Variants in FZD9 observed in about 807,000 individuals in gnomAD.
The protein encoded by FZD9 is frizzled-9.
Under a neutral mutation model 29.9 loss-of-function variants are expected in FZD9, and 29 were observed. The observed-to-expected ratio is 0.97, with a 90% CI of 0.72 to 1.32. The LOEUF is 1.32. FZD9 is among the 40% of genes most tolerant of loss of function. FZD9 has a pLI of 0.00. For synonymous variants in FZD9, 384 were observed against 393.9 expected, an observed-to-expected ratio of 0.97 and a Z score of 0.30; for missense variants, 822 against 857.8, an observed-to-expected ratio of 0.96 and a Z score of 0.52.
In FZD9 at chr7:73,435,923, G is replaced by T; in HGVS notation, c.*140G>T. ...GTGAGCACCGGGGACTGAGGATCAGGGCGGGACCCCGTGAGGCTCATTAGG... is the reference window on the plus strand; with the variant it reads ...GTGAGCACCGGGGACTGAGGATCAGTGCGGGACCCCGTGAGGCTCATTAGG... On this transcript the variant is annotated 3_prime_UTR_variant, in exon 1 of 1. Coordinates refer to ENST00000344575, the MANE Select transcript of FZD9 (RefSeq NM_003508.3). 8.4e-7 allele frequency: 1 copy of T among 1,189,176 alleles called. No individual in the cohort carries two copies. The highest frequency in any genetic ancestry group is 2.1e-4 in the Middle Eastern group (1 of 4,710). The allele number at this position is 1,189,176 out of a possible 1,614,324, so 73.7% of individuals were successfully genotyped here.
At position 73,435,267 on chromosome 7, in the gene FZD9, C is replaced by T; in HGVS notation, c.1260C>T (p.Gly420=). The stretch of plus-strand genomic sequence containing the variant: ...TGGGCAGTAGTTTCCTCCTGACCGG[C>T]TTCGTGGCCCTCTTCCACATCCGCA... ...LVLGSSFLLT[G]FVALFHIRKI... is the part of the protein sequence containing the mutation. Residue 420 remains glycine (G), a synonymous_variant, in exon 1 of 1, where the codon GGC becomes GGT. Coordinates refer to ENST00000344575, the MANE Select transcript of FZD9 (RefSeq NM_003508.3). 2.5e-6 allele frequency: 4 copies of T among 1,613,842 alleles called. No homozygotes were observed. Among genetic ancestry groups the T allele is most frequent in the East Asian group, 2.2e-5 (1 of 44,876 alleles).
In FZD9 at chr7:73,435,094, TG is replaced by T; in HGVS notation, c.1091del (p.Gly364AlafsTer11). The T allele has an allele frequency of 6.2e-7, 1 of 1,612,160 alleles. No homozygotes were observed. ...AHGSYFHMAA[W>X]GLPALKTIVI... is the part of the protein sequence containing the mutation. ...CGGCAGCTATTTCCACATGGCTGCC[TG>T]GGGCCTGCCCGCGCTCAAGACCATC... On this transcript the variant is annotated frameshift_variant, in exon 1 of 1. Transcript: ENST00000344575. LOFTEE classifies it high-confidence loss of function.
Position 73,433,900 on chromosome 7 carries a change from C to T in FZD9, c.-108C>T, listed in dbSNP as rs1583871150. 3 of 898,078 alleles carry T rather than the reference C, an allele frequency of 3.3e-6. No individual in the cohort carries two copies. The highest frequency in any genetic ancestry group is 1.8e-4 in the East Asian group (2 of 10,864). The allele number at this position is 898,078 out of a possible 1,614,324, so 55.6% of individuals were successfully genotyped here. A position where few individuals can be genotyped will look rare whatever the true frequency, so the allele number is the denominator to read the frequency against. ...GGCGCCCGGACACACGTGGGCGGCT[C>T]AGCGATGGCCCGCGCCCCGCGACGT... On this transcript the variant is annotated 5_prime_UTR_variant, in exon 1 of 1. Transcript: ENST00000344575.
Position 73,434,630 on chromosome 7 carries a change from G to T in FZD9, c.623G>T (p.Ser208Ile). Residue 208 changes from serine (S) to isoleucine (I), a missense_variant, in exon 1 of 1, where the codon AGC becomes ATC. Coordinates refer to ENST00000344575, the MANE Select transcript of FZD9 (RefSeq NM_003508.3). ...GAGAAGTTCCAGTACGTGGAGAAGAGCCGCTCGTGCGCACCGCGCTGCGGG... is the reference window on the plus strand; with the variant it reads ...GAGAAGTTCCAGTACGTGGAGAAGATCCGCTCGTGCGCACCGCGCTGCGGG... ...NPEKFQYVEK[S>I]RSCAPRCGPG... The T allele has an allele frequency of 6.3e-7, 1 of 1,590,802 alleles. No individual in the cohort carries two copies. Among genetic ancestry groups the T allele is most frequent in the Non-Finnish European group, 8.5e-7 (1 of 1,174,908 alleles).
In FZD9 at chr7:73,435,381, C is replaced by T. The variant is rs782349609; in HGVS notation, c.1374C>T (p.Pro458=). 17 of 1,613,836 alleles carry T rather than the reference C, an allele frequency of 1.1e-5. No homozygotes were observed. The highest frequency in any genetic ancestry group is 3.3e-5 in the Admixed American group (2 of 59,998). The change falls in exon 1 of 1, where the codon CCC becomes CCT. Residue 458 remains proline, a synonymous_variant. Transcript: ENST00000344575. The part of the protein sequence containing the change: ...IGVFSILYTV[P]ATCVIVCYVY... ...TCTTCTCCATCCTCTACACGGTGCCCGCCACCTGCGTCATCGTTTGCTATG... is the reference window on the plus strand; with the variant it reads ...TCTTCTCCATCCTCTACACGGTGCCTGCCACCTGCGTCATCGTTTGCTATG...
chr7:73,435,335 A>T lies in FZD9; in HGVS notation c.1328A>T (p.Lys443Met). ...TGGTNTEKLE[K>M]LMVKIGVFSI... The stretch of plus-strand genomic sequence containing the variant: ...GGCACCAACACAGAGAAGCTGGAGA[A>T]GCTCATGGTCAAGATCGGGGTCTTC... The change falls in exon 1 of 1, where the codon AAG (lysine) becomes ATG (methionine). Residue 443 changes from lysine (K) to methionine (M), a missense_variant. Lys to Met is a moderately conservative substitution (Grantham distance 95). Coordinates refer to ENST00000344575, the MANE Select transcript of FZD9 (RefSeq NM_003508.3). 6.2e-7 allele frequency: 1 copy of T among 1,613,848 alleles called. No homozygotes were observed. The highest frequency in any genetic ancestry group is 8.5e-7 in the Non-Finnish European group (1 of 1,179,900).
chr7:73,434,360 C>A lies in FZD9; in HGVS notation c.353C>A (p.Ala118Glu). ...GCCTGCCGGCCCATGTGCGAGCAGGCGCGCCTGCGCTGCGCGCCCATCATG... is the reference window on the plus strand; with the variant it reads ...GCCTGCCGGCCCATGTGCGAGCAGGAGCGCCTGCGCTGCGCGCCCATCATG... ...IPACRPMCEQ[A>E]RLRCAPIMEQ... Residue 118 changes from alanine (A) to glutamate (E), a missense_variant, in exon 1 of 1, where the codon GCG (alanine) becomes GAG (glutamate). Transcript: ENST00000344575. 1 of 1,578,084 alleles carries A rather than the reference C, an allele frequency of 6.3e-7. No individual in the cohort carries two copies. Among genetic ancestry groups the A allele is most frequent in the Admixed American group, 1.8e-5 (1 of 56,598 alleles).
Position 73,435,490 on chromosome 7 carries a change from AG to A in FZD9, c.1486del (p.Asp496ThrfsTer50). 6.2e-7 allele frequency: 1 copy of A among 1,612,890 alleles called. No homozygotes were observed. The highest frequency in any genetic ancestry group is 8.5e-7 in the Non-Finnish European group (1 of 1,179,604). ...AGCGGCCGCGGGGCCCGGAGGCCGG[AG>A]GGACTGCTCGCTGCCAGGGGGCTCG... ...CAAAAGPGGRRDCSLPGGSVP... is the reference protein window; with the variant it reads ...CAAAAGPGGRXDCSLPGGSVP... On this transcript the variant is annotated frameshift_variant, in exon 1 of 1. Coordinates refer to ENST00000344575, the MANE Select transcript of FZD9 (RefSeq NM_003508.3). LOFTEE classifies it high-confidence loss of function.
In FZD9 at chr7:73,435,732, C is replaced by T. The variant is rs952691379; in HGVS notation, c.1725C>T (p.Val575=). ...THCHYKAPTV[V]LHMTKTDPSL... ...GCCACTATAAGGCTCCCACCGTGGTCTTGCACATGACTAAGACGGACCCCT... is the reference window on the plus strand; with the variant it reads ...GCCACTATAAGGCTCCCACCGTGGTTTTGCACATGACTAAGACGGACCCCT... The change falls in exon 1 of 1, where the codon GTC becomes GTT. Residue 575 remains valine, a synonymous_variant. Coordinates refer to ENST00000344575, the MANE Select transcript of FZD9 (RefSeq NM_003508.3). The T allele has an allele frequency of 1.2e-6, 2 of 1,611,030 alleles. No individual in the cohort carries two copies. The highest frequency in any genetic ancestry group is 2.2e-5 in the East Asian group (1 of 44,788).
At position 73,435,506 on chromosome 7, in the gene FZD9, C is replaced by T. The variant is rs1554563617; in HGVS notation, c.1499C>T (p.Pro500Leu). 3 of 1,613,132 alleles carry T rather than the reference C, an allele frequency of 1.9e-6. No homozygotes were observed. Among genetic ancestry groups the T allele is most frequent in the South Asian group, 1.1e-5 (1 of 91,064 alleles). The change falls in exon 1 of 1, where the codon CCA becomes CTA. Residue 500 changes from proline to leucine, a missense_variant. Pro to Leu is a moderately conservative substitution (Grantham distance 98, BLOSUM62 -3). Coordinates refer to ENST00000344575, the MANE Select transcript of FZD9 (RefSeq NM_003508.3). ...GPGGRRDCSL[P>L]GGSVPTVAVF... ...GGAGGCCGGAGGGACTGCTCGCTGCCAGGGGGCTCGGTGCCCACCGTGGCG... is the reference window on the plus strand; with the variant it reads ...GGAGGCCGGAGGGACTGCTCGCTGCTAGGGGGCTCGGTGCCCACCGTGGCG...
Position 73,433,845 on chromosome 7 carries a change from C to A in FZD9, c.-163C>A. 1 of 413,190 alleles carries A rather than the reference C, an allele frequency of 2.4e-6. No individual in the cohort carries two copies. Among genetic ancestry groups the A allele is most frequent in the Non-Finnish European group, 3.3e-6 (1 of 300,314 alleles). 25.6% of individuals were successfully genotyped at this position (413,190 alleles called of 1,614,324 possible). A position where few individuals can be genotyped will look rare whatever the true frequency, so the allele number is the denominator to read the frequency against. ...GCTAGGCGGGCTCGGCGGCTCCTGT[C>A]CCTCGGGCGGCTGCCCGCTCGCTGC... On this transcript the variant is annotated 5_prime_UTR_variant, in exon 1 of 1. Coordinates refer to ENST00000344575, the MANE Select transcript of FZD9 (RefSeq NM_003508.3).
At position 73,434,662 on chromosome 7, in the gene FZD9, G is replaced by A; in HGVS notation, c.655G>A (p.Val219Ile). ...RSCAPRCGPG[V>I]EVFWSRRDKD... is the part of the protein sequence containing the mutation. ...GTGCGCACCGCGCTGCGGGCCCGGC[G>A]TCGAGGTGTTCTGGTCCCGGCGCGA... Residue 219 changes from valine to isoleucine, a missense_variant, in exon 1 of 1, where the codon GTC becomes ATC. Transcript: ENST00000344575. 1 of 1,600,620 alleles carries A rather than the reference G, an allele frequency of 6.2e-7. No homozygotes were observed. Among genetic ancestry groups the A allele is most frequent in the Non-Finnish European group, 8.5e-7 (1 of 1,179,062 alleles).
In FZD9 at chr7:73,435,622, A is replaced by G. The variant is rs782760881; in HGVS notation, c.1615A>G (p.Ser539Gly). The change falls in exon 1 of 1, where the codon AGC (serine) becomes GGC (glycine). Residue 539 changes from serine (S) to glycine (G), a missense_variant. Coordinates refer to ENST00000344575, the MANE Select transcript of FZD9 (RefSeq NM_003508.3). ...WSSKTFQTWQ[S>G]LCYRKIAAGR... Reference sequence around the variant, plus strand: ...CTCCAAGACTTTCCAGACCTGGCAGAGCCTGTGCTACCGCAAGATAGCAGC... The same window carrying G: ...CTCCAAGACTTTCCAGACCTGGCAGGGCCTGTGCTACCGCAAGATAGCAGC... 7.4e-6 allele frequency: 12 copies of G among 1,613,144 alleles called. No individual in the cohort carries two copies. In the South Asian group the frequency reaches 1.3e-4, roughly 18 times the overall value.
At position 73,435,530 on chromosome 7, in the gene FZD9, C is replaced by G; in HGVS notation, c.1523C>G (p.Ala508Gly). ...CCAGGGGGCTCGGTGCCCACCGTGG[C>G]GGTCTTCATGCTCAAAATTTTCATG... Reference protein sequence around the residue: ...SLPGGSVPTVAVFMLKIFMSL... With the variant: ...SLPGGSVPTVGVFMLKIFMSL... The change falls in exon 1 of 1, where the codon GCG becomes GGG. Residue 508 changes from alanine (A) to glycine (G), a missense_variant. Coordinates refer to ENST00000344575, the MANE Select transcript of FZD9 (RefSeq NM_003508.3). 2 of 1,613,258 alleles carry G rather than the reference C, an allele frequency of 1.2e-6. No individual in the cohort carries two copies. The highest frequency in any genetic ancestry group is 1.1e-5 in the South Asian group (1 of 91,080).
Position 73,434,467 on chromosome 7 carries a change from G to T in FZD9, c.460G>T (p.Glu154Ter). The T allele has an allele frequency of 2.7e-6, 4 of 1,507,510 alleles. No homozygotes were observed. Among genetic ancestry groups the T allele is most frequent in the Non-Finnish European group, 1.8e-6 (2 of 1,136,130 alleles). The allele number at this position is 1,507,510 out of a possible 1,614,324, so 93.4% of individuals were successfully genotyped here. The part of the protein sequence containing the change: ...TRNDPHALCM[E>*]APENATAGPA... Reference sequence around the variant, plus strand: ...CAACGACCCGCACGCGCTGTGCATGGAGGCGCCCGAGAACGCCACGGCCGG... The same window carrying T: ...CAACGACCCGCACGCGCTGTGCATGTAGGCGCCCGAGAACGCCACGGCCGG... The change falls in exon 1 of 1, where the codon GAG (glutamate) becomes TAG (stop). Residue 154 changes from glutamate to a stop codon, truncating the protein, a stop_gained. Transcript: ENST00000344575. LOFTEE classifies it high-confidence loss of function.
chr7:73,433,961 C>G lies in FZD9; in HGVS notation c.-47C>G. ...CACCGGGGCGCGGGACCGCTGAGCCCGAGTGAGCCGGGGCCGCGCTCCCGC... is the reference window on the plus strand; with the variant it reads ...CACCGGGGCGCGGGACCGCTGAGCCGGAGTGAGCCGGGGCCGCGCTCCCGC... On this transcript the variant is annotated 5_prime_UTR_variant, in exon 1 of 1. Coordinates refer to ENST00000344575, the MANE Select transcript of FZD9 (RefSeq NM_003508.3). 1 of 1,158,258 alleles carries G rather than the reference C, an allele frequency of 8.6e-7. No homozygotes were observed. Among genetic ancestry groups the G allele is most frequent in the Non-Finnish European group, 1.1e-6 (1 of 941,052 alleles). The allele number at this position is 1,158,258 out of a possible 1,614,324, so 71.7% of individuals were successfully genotyped here. A position where few individuals can be genotyped will look rare whatever the true frequency, so the allele number is the denominator to read the frequency against.
rs782778281 is a variant in FZD9, at chr7:73,434,858, G to T, written c.851G>T (p.Arg284Leu). 6.2e-7 allele frequency: 1 copy of T among 1,613,404 alleles called. No homozygotes were observed. Among genetic ancestry groups the T allele is most frequent in the South Asian group, 1.1e-5 (1 of 91,084 alleles). ...GTCTACTCGCTGGCCTTCCTGATCC[G>T]TGCGGTGGCCGGAGCGCAGAGCGTG... ...YNVYSLAFLI[R>L]AVAGAQSVAC... The change falls in exon 1 of 1, where the codon CGT becomes CTT. Residue 284 changes from arginine (R) to leucine (L), a missense_variant. By Grantham distance (102) the Arg-to-Leu change is moderately radical. Transcript: ENST00000344575.
Position 73,435,923 on chromosome 7 carries a change from G to A in FZD9, c.*140G>A. 2.5e-6 allele frequency: 3 copies of A among 1,189,174 alleles called. No individual in the cohort carries two copies. The highest frequency in any genetic ancestry group is 3.6e-6 in the Non-Finnish European group (3 of 841,986). The allele number at this position is 1,189,174 out of a possible 1,614,324, so 73.7% of individuals were successfully genotyped here. ...GTGAGCACCGGGGACTGAGGATCAG[G>A]GCGGGACCCCGTGAGGCTCATTAGG... On this transcript the variant is annotated 3_prime_UTR_variant, in exon 1 of 1. Coordinates refer to ENST00000344575, the MANE Select transcript of FZD9 (RefSeq NM_003508.3).
chr7:73,434,438 C>A lies in FZD9; in HGVS notation c.431C>A (p.Thr144Lys). The change falls in exon 1 of 1, where the codon ACG becomes AAG. Residue 144 changes from threonine (T) to lysine (K), a missense_variant. Transcript: ENST00000344575. ...TCGCTCGACTGCGCCCGGCTGCCCA[C>A]GCGCAACGACCCGCACGCGCTGTGC... ...PDSLDCARLP[T>K]RNDPHALCME... The A allele has an allele frequency of 2.6e-6, 4 of 1,551,100 alleles. No homozygotes were observed. The highest frequency in any genetic ancestry group is 3.5e-6 in the Non-Finnish European group (4 of 1,157,840).
Sources: allele counts gnomAD v4.1 joint callset, GRCh38; gene constraint gnomAD v4.1.1; transcripts MANE v1.5; gene names NCBI Gene and HGNC (gene_info 2026-07-23, HGNC 2026-07-21).